The following STK38L variants were observed in gnomAD, a reference collection of about 807,000 sequenced individuals.
STK38L encodes the protein serine/threonine kinase 38 like.
In STK38L, 28 loss-of-function variants were observed where a neutral mutation model predicts 59.7. That is an observed-to-expected ratio of 0.47 (90% CI 0.35 to 0.64). The LOEUF is 0.64. Ranked by LOEUF, STK38L falls within the 30% of genes least tolerant of loss-of-function variation. The pLI is 0.01. For synonymous variants in STK38L, 162 were observed against 176.8 expected, an observed-to-expected ratio of 0.92 and a Z score of 0.66; for missense variants, 314 against 555.8, an observed-to-expected ratio of 0.56 and a Z score of 4.37.
At chr12:27,301,631 T>G (rs745553524) in intron 2 of STK38L, among the ~76,000 whole-genome samples, 2 of 152,198 alleles carry the variant, frequency 1.3e-5, no homozygotes, top group African/African-American at 4.8e-5. Flanking sequence ...ATAAAATAAA[T>G]GCAATTGCAT....
intron 2 of STK38L, 151 bp from the exon 3 acceptor site, chr12:27,301,986 A>G (rs1944185675): frequency 2.0e-6 from 1 of 507,098 alleles, no homozygotes; most frequent in African/African-American, 2.0e-5. Context: ...AAAGAAAACT[A>G]TTCTTAGTGA....
At chr12:27,318,584 C>T (rs111929111) in intron 11 of STK38L, among the ~76,000 whole-genome samples, 4,473 of 152,286 alleles carry the variant, frequency 0.029, 92 homozygotes, top group South Asian at 0.094. Flanking sequence ...TTTAGGTACA[C>T]TATGATTTTC....
chr12:27,270,379 C>CTTAT (rs902926175), intron 1 of STK38L, among the ~76,000 whole-genome samples: 40 of 151,326 alleles, frequency 2.6e-4, no homozygotes, highest in South Asian at 6.3e-4. Context: ...CTGATTGATT[C>CTTAT]TTATTTATTT....
In STK38L at chr12:27,308,333, T is replaced by TA; in HGVS notation, c.187-4dup. On this transcript the variant is annotated splice_region_variant and splice_polypyrimidine_tract_variant and intron_variant, in intron 3 of 13. Coordinates refer to ENST00000389032, the MANE Select transcript of STK38L (RefSeq NM_015000.4). This position sits in a 1 kb window ranked among gnomAD's most constrained non-coding sequence, Gnocchi z 4.5. ...ATCATCCGTTTAAATTGTTTTTTTTTAATAGAAAAAGTTACGTCGATCACA... is the reference window on the plus strand; with the variant it reads ...ATCATCCGTTTAAATTGTTTTTTTTTAAATAGAAAAAGTTACGTCGATCACA... The TA allele has an allele frequency of 6.5e-7, 1 of 1,535,872 alleles. No homozygotes were observed. The highest frequency in any genetic ancestry group is 8.7e-7 in the Non-Finnish European group (1 of 1,142,896).
chr12:27,268,289 C>T (rs2136615535), intron 1 of STK38L, among the ~76,000 whole-genome samples: 1 of 152,046 alleles, frequency 6.6e-6, no homozygotes, highest in Middle Eastern at 3.4e-3. Context: ...CCACAACAGG[C>T]CCCAGTGTGT....
chr12:27,263,785 G>A (rs1355436811), intron 1 of STK38L, among the ~76,000 whole-genome samples: 1 of 152,236 alleles, frequency 6.6e-6, no homozygotes, highest in Non-Finnish European at 1.5e-5. Context: ...CCTTCAAGGA[G>A]TGTGGAATTT....
At chr12:27,305,424 A>C (rs1443881644) in intron 3 of STK38L, among the ~76,000 whole-genome samples, 1 of 71,096 alleles carries the variant, frequency 1.4e-5, no homozygotes, top group African/African-American at 1.1e-4. Flanking sequence ...GTTTTTCTCT[A>C]AAAAATGTTT....
At chr12:27,315,573 A>G (rs16931865) in intron 9 of STK38L, among the ~76,000 whole-genome samples, 15,529 of 152,256 alleles carry the variant, frequency 0.1, 1,048 homozygotes, top group East Asian at 0.31. Context: ...TTTACTGAGC[A>G]TACCTACAAG....
At chr12:27,320,874 C>T (rs1304723485) in intron 12 of STK38L, among the ~76,000 whole-genome samples, 2 of 151,486 alleles carry the variant, frequency 1.3e-5, no homozygotes, top group East Asian at 1.9e-4. Context: ...CTCCACCTCC[C>T]GGGTTCACGC....
At chr12:27,253,159 G>A (rs990793385) in intron 1 of STK38L, among the ~76,000 whole-genome samples, 1 of 152,190 alleles carries the variant, frequency 6.6e-6, no homozygotes, top group Non-Finnish European at 1.5e-5. Flanking sequence ...TACAGCACCT[G>A]GTAAGTTCTG....
intron 1 of STK38L, among the ~76,000 whole-genome samples, chr12:27,279,245 T>G (rs778503896): frequency 1.3e-5 from 2 of 152,216 alleles, no homozygotes; most frequent in Non-Finnish European, 2.9e-5. Context: ...GTAGCCCCAT[T>G]GAAAGTCAAG....
At chr12:27,253,012 G>T in intron 1 of STK38L, among the ~76,000 whole-genome samples, 1 of 152,216 alleles carries the variant, frequency 6.6e-6, no homozygotes, top group East Asian at 1.9e-4. Context: ...ACAGGGTACT[G>T]TGGGAGCAGA....
In STK38L at chr12:27,303,590, A is replaced by G. The variant is rs543045299; in HGVS notation, c.186+1402A>G. ...TAAACAAATAATGGCTTTTGCCCTC[A>G]AGGAGTTTTAGATTAGGAGAGGGAG... On this transcript the variant is annotated intron_variant, in intron 3 of 13. Transcript: ENST00000389032. Among the ~76,000 whole-genome samples the G allele has an allele frequency of 1.5e-4, 23 of 152,298 alleles. No homozygotes were observed. In the South Asian group the frequency reaches 3.7e-3, roughly 25 times the overall value.
rs138595910 is a variant in STK38L at position 27,251,068 on chromosome 12, C to T, written c.-12+6736C>T. On this transcript the variant is annotated intron_variant, in intron 1 of 13. Coordinates refer to ENST00000389032, the MANE Select transcript of STK38L (RefSeq NM_015000.4). Reference sequence around the variant, plus strand: ...CTCTCTCTTACATTGCATTATTTTACTACAAAAACTTCTCCTTTTCTCTTT... The same window carrying T: ...CTCTCTCTTACATTGCATTATTTTATTACAAAAACTTCTCCTTTTCTCTTT... Among the ~76,000 whole-genome samples the T allele has an allele frequency of 5.4e-3, 813 of 150,326 alleles. 8 individuals are homozygous for T. The highest frequency in any genetic ancestry group is 0.019 in the African/African-American group (767 of 41,088).
intron 1 of STK38L, among the ~76,000 whole-genome samples, chr12:27,257,407 C>T (rs886445051): frequency 3.3e-5 from 5 of 152,194 alleles, no homozygotes; most frequent in Non-Finnish European, 5.9e-5. Context: ...CCTGCTCTGC[C>T]CCCACTACCT....
At chr12:27,300,082 C>G (rs1944127293) in intron 2 of STK38L, among the ~76,000 whole-genome samples, 1 of 151,944 alleles carries the variant, frequency 6.6e-6, no homozygotes, top group Non-Finnish European at 1.5e-5. Flanking sequence ...TAAAGTAATT[C>G]AGTTTGCTTT....
intron 1 of STK38L, chr12:27,245,537 A>C (rs1242612364): frequency 1.3e-5 from 2 of 152,100 alleles, no homozygotes. Flanking sequence ...TCTTTGTCTC[A>C]ATCATATATG....
In STK38L at chr12:27,325,803, T is replaced by C. The variant is rs1944824631; in HGVS notation, c.*3348T>C. 6.6e-6 allele frequency: 1 copy of C among 152,212 alleles called. No individual in the cohort carries two copies. The highest frequency in any genetic ancestry group is 2.4e-5 in the African/African-American group (1 of 41,460). The allele number at this position is 152,212 out of a possible 1,614,324, so 9.4% of individuals were successfully genotyped here. ...TAAAGTAATAAAAATATATCTCAGC[T>C]ATTTTTTTAAAGCAATATAATTCAG... On this transcript the variant is annotated 3_prime_UTR_variant, in exon 14 of 14. Coordinates refer to ENST00000389032, the MANE Select transcript of STK38L (RefSeq NM_015000.4).
At chr12:27,260,537 C>T (rs1943183373) in intron 1 of STK38L, among the ~76,000 whole-genome samples, 1 of 152,142 alleles carries the variant, frequency 6.6e-6, no homozygotes, top group Non-Finnish European at 1.5e-5. Context: ...CTCTTTCTTA[C>T]CACTCCCCCT....
Sources: gnomAD v4.1 joint callset for allele counts (sites outside exome capture counted in the v4.1 genomes callset) on GRCh38, gnomAD v4.1.1 for gene constraint, Gnocchi (gnomAD v3.1) non-coding constraint, MANE v1.5 for transcripts, NCBI Gene and HGNC (gene_info 2026-07-23, HGNC 2026-07-21) for gene names.